Variants in KCNE1 observed in about 807,000 individuals in gnomAD.
The protein encoded by KCNE1 is potassium voltage-gated channel subfamily E regulatory subunit 1.
In KCNE1, 1 loss-of-function variant was observed where a neutral mutation model predicts 2.9. The observed-to-expected ratio is 0.34, with a 90% CI of 0.12 to 1.62. KCNE1 has a LOEUF of 1.62. Ranked by LOEUF, KCNE1 falls within the 40% of genes most tolerant of loss-of-function variation. The pLI is 0.36. For missense variants in KCNE1, 45 were observed against 150.5 expected (o/e 0.30, Z 3.67); for synonymous variants, 23 against 65.4 (o/e 0.35, Z 3.13).
At chr21:34,498,589 G>C (rs1982949731) in intron 2 of KCNE1, among the ~76,000 whole-genome samples, 1 of 152,234 alleles carries the variant, frequency 6.6e-6, no homozygotes, top group Admixed American at 6.5e-5. Flanking sequence ...ACCAGCACCT[G>C]CTCTCGTGGA....
intron 2 of KCNE1, among the ~76,000 whole-genome samples, chr21:34,508,466 C>T (rs1055372604): frequency 2.6e-5 from 4 of 152,100 alleles, no homozygotes; most frequent in African/African-American, 4.8e-5. Context: ...TCTCAGCTTC[C>T]GGAGTAGCTG....
chr21:34,481,601 G>A lies in KCNE1; in HGVS notation c.-161-22837C>T, dbSNP rs78607029. Among the ~76,000 whole-genome samples, 2 of 962 alleles carry A rather than the reference G, an allele frequency of 2.1e-3. 1 individual carries two copies. The highest frequency in any genetic ancestry group is 0.024 in the African/African-American group (2 of 82). The allele number at this position is 962 out of a possible 152,430, so 0.6% of individuals were successfully genotyped here. A position where few individuals can be genotyped will look rare whatever the true frequency, so the allele number is the denominator to read the frequency against. On this transcript the variant is annotated intron_variant, in intron 2 of 3. Coordinates refer to ENST00000399286, the MANE Select transcript of KCNE1 (RefSeq NM_000219.6). ...CAGTCAGATATTGGAGGTCAATGAG[G>A]AAACAACCCCACTGCTGATTCACTC...
intron 2 of KCNE1, among the ~76,000 whole-genome samples, chr21:34,496,732 T>C (rs1310933916): frequency 6.6e-6 from 1 of 152,206 alleles, no homozygotes; most frequent in Admixed American, 6.5e-5. Context: ...CCTGTCTTGA[T>C]GATCCATCTA....
chr21:34,500,065 C>T (rs8127146), intron 2 of KCNE1, among the ~76,000 whole-genome samples: 80,159 of 151,950 alleles, frequency 0.53, 21,415 homozygotes, highest in East Asian at 0.78. Context: ...CCAAAGACAC[C>T]GATATTTATA....
At chr21:34,510,623 C>G (rs916368294) in intron 2 of KCNE1, 1 of 152,820 alleles carries the variant, frequency 6.5e-6, no homozygotes, top group East Asian at 1.9e-4. Flanking sequence ...GCTTCAGCCT[C>G]TACCTGGGAC....
At chr21:34,497,177 A>G (rs1982861796) in intron 2 of KCNE1, among the ~76,000 whole-genome samples, 1 of 152,138 alleles carries the variant, frequency 6.6e-6, no homozygotes, top group Non-Finnish European at 1.5e-5. Context: ...TAGTGCTGAG[A>G]TGTGAGGTAC....
intron 2 of KCNE1, among the ~76,000 whole-genome samples, chr21:34,506,759 C>A (rs1601104912): frequency 1.3e-5 from 2 of 152,316 alleles, no homozygotes; most frequent in African/African-American, 4.8e-5. Flanking sequence ...GGCAGGGAAG[C>A]CAACTGTTGC....
chr21:34,499,760 T>G lies in KCNE1; in HGVS notation c.-162+11341A>C, dbSNP rs141671164. ...TTTTCTCCCTCTCACACTTTGGGAA[T>G]GCACAGTTTTTTGCCTGTCTTGTGG... On this transcript the variant is annotated intron_variant, in intron 2 of 3. Coordinates refer to ENST00000399286, the MANE Select transcript of KCNE1 (RefSeq NM_000219.6). 2.5e-3 allele frequency among the ~76,000 whole-genome samples: 378 copies of G among 152,390 alleles called. 2 individuals carry two copies. The highest frequency in any genetic ancestry group is 8.9e-3 in the African/African-American group (370 of 41,600).
At chr21:34,495,787 G>A (rs564293020) in intron 2 of KCNE1, among the ~76,000 whole-genome samples, 101 of 151,996 alleles carry the variant, frequency 6.6e-4, no homozygotes, top group East Asian at 1.5e-3. Context: ...GGTTAATCTC[G>A]CTAATGGTCT....
intron 2 of KCNE1, among the ~76,000 whole-genome samples, chr21:34,498,547 G>A (rs530794334): frequency 5.3e-4 from 81 of 152,368 alleles, no homozygotes; most frequent in African/African-American, 1.3e-3. Context: ...GTCCTGTGAC[G>A]TGATCCATTT....
intron 2 of KCNE1, among the ~76,000 whole-genome samples, chr21:34,504,436 T>C (rs917544947): frequency 5.3e-5 from 8 of 152,176 alleles, no homozygotes; most frequent in African/African-American, 1.9e-4. Flanking sequence ...ATTGGGAGGA[T>C]GTGGAGAGAT....
At chr21:34,496,807 G>A (rs1016634302) in intron 2 of KCNE1, among the ~76,000 whole-genome samples, 1 of 152,080 alleles carries the variant, frequency 6.6e-6, no homozygotes, top group African/African-American at 2.4e-5. Flanking sequence ...AATTTCTTAG[G>A]TCTGGTAATA....
chr21:34,504,329 A>T (rs1983346927), intron 2 of KCNE1, among the ~76,000 whole-genome samples: 1 of 152,224 alleles, frequency 6.6e-6, no homozygotes, highest in Admixed American at 6.5e-5. Context: ...AAGATCCTTG[A>T]CATCTCTAGT....
At chr21:34,501,429 T>C (rs1305538178) in intron 2 of KCNE1, among the ~76,000 whole-genome samples, 1 of 152,218 alleles carries the variant, frequency 6.6e-6, no homozygotes, top group African/African-American at 2.4e-5. Flanking sequence ...GTTTCAAGCA[T>C]GGAAGTGGGG....
At chr21:34,500,933 G>A (rs1983132049) in intron 2 of KCNE1, among the ~76,000 whole-genome samples, 1 of 152,264 alleles carries the variant, frequency 6.6e-6, no homozygotes, top group Admixed American at 6.5e-5. Context: ...CTCGATATTT[G>A]GTTAGTTGCC....
chr21:34,507,464 G>A (rs1035280852), intron 2 of KCNE1, among the ~76,000 whole-genome samples: 1 of 152,136 alleles, frequency 6.6e-6, no homozygotes, highest in Non-Finnish European at 1.5e-5. Context: ...ACAAACAAGG[G>A]GCTAGGTCCC....
intron 2 of KCNE1, among the ~76,000 whole-genome samples, chr21:34,508,533 G>A (rs1983642197): frequency 6.6e-6 from 1 of 152,040 alleles, no homozygotes; most frequent in African/African-American, 2.4e-5. Context: ...AGTACAGACG[G>A]GGTTTTGCCA....
intron 2 of KCNE1, among the ~76,000 whole-genome samples, chr21:34,506,083 C>A (rs544867745): frequency 2.6e-5 from 4 of 152,178 alleles, no homozygotes; most frequent in Non-Finnish European, 5.9e-5. Context: ...TTATTTTGTT[C>A]TTGAGTCCCT....
At position 34,511,136 on chromosome 21, in the gene KCNE1, C is replaced by T. The variant is rs1034816382; in HGVS notation, c.-197G>A. 27 of 985,442 alleles carry T rather than the reference C, an allele frequency of 2.7e-5. No homozygotes were observed. Among genetic ancestry groups the T allele is most frequent in the African/African-American group, 5.2e-5 (3 of 57,244 alleles). 61.0% of individuals were successfully genotyped at this position (985,442 alleles called of 1,614,324 possible). On this transcript the variant is annotated 5_prime_UTR_variant, in exon 2 of 4. Coordinates refer to ENST00000399286, the MANE Select transcript of KCNE1 (RefSeq NM_000219.6). Reference sequence around the variant, plus strand: ...TTCTGAAGTCTCCTCAAGCACACTGCGGTGTCCACACCATTGGCAGCAGGC... The same window carrying T: ...TTCTGAAGTCTCCTCAAGCACACTGTGGTGTCCACACCATTGGCAGCAGGC...
Sources: gnomAD v4.1 joint callset for allele counts (sites outside exome capture counted in the v4.1 genomes callset) on GRCh38, gnomAD v4.1.1 for gene constraint, MANE v1.5 for transcripts, NCBI Gene and HGNC (gene_info 2026-07-23, HGNC 2026-07-21) for gene names.